The following DLGAP2 variants were observed in gnomAD, a reference collection of about 807,000 sequenced individuals.
DLGAP2 encodes the protein disks large-associated protein 2.
A neutral mutation model predicts 100.3 loss-of-function variants in DLGAP2; 26 were observed. The ratio of observed to expected loss-of-function variants is 0.26; its 90% CI spans 0.19 to 0.36. The LOEUF (loss-of-function observed/expected upper bound fraction) is 0.36, where lower values mean the gene tolerates loss of function less well. Ranked by LOEUF, DLGAP2 falls within the 10% of genes least tolerant of loss-of-function variation. The pLI, the probability that DLGAP2 is intolerant of heterozygous loss-of-function variation, is 1.00. For synonymous variants in DLGAP2, 886 were observed against 630.1 expected (o/e 1.41, Z -6.08); for missense variants, 1,858 against 1,453.2 (o/e 1.28, Z -4.53).
rs146879997 is a variant in DLGAP2, at chr8:1,136,431, C to T, written c.74-122420C>T. Among the ~76,000 whole-genome samples the T allele has an allele frequency of 2.4e-3, 373 of 152,322 alleles. 1 individual carries two copies. Among genetic ancestry groups the T allele is most frequent in the African/African-American group, 8.1e-3 (336 of 41,576 alleles). ...GCTTCCCTGCAGCAGCAGATCTGGA[C>T]AGCTCTCTGGCTCCCCATACAGGCC... On this transcript the variant is annotated intron_variant, in intron 2 of 14. Transcript: ENST00000637795.
chr8:1,192,735 A>G (rs980876268), intron 2 of DLGAP2, among the ~76,000 whole-genome samples: 4 of 151,284 alleles, frequency 2.6e-5, no homozygotes, highest in African/African-American at 9.7e-5. Flanking sequence ...GGTTAGTTAC[A>G]TATGGAAACA....
chr8:789,113 G>A (rs1251346114), intron 1 of DLGAP2, among the ~76,000 whole-genome samples: 1 of 152,198 alleles, frequency 6.6e-6, no homozygotes, highest in Non-Finnish European at 1.5e-5. Flanking sequence ...GGTGTGATTT[G>A]CAAATATTTT....
At chr8:895,248 A>T (rs374596540) in intron 1 of DLGAP2, among the ~76,000 whole-genome samples, 1 of 152,150 alleles carries the variant, frequency 6.6e-6, no homozygotes, top group Non-Finnish European at 1.5e-5. Flanking sequence ...TCCACAATGT[A>T]TGCAGGACGG....
intron 2 of DLGAP2, among the ~76,000 whole-genome samples, chr8:973,726 G>A (rs909080658): frequency 5.9e-5 from 9 of 152,206 alleles, no homozygotes; most frequent in African/African-American, 1.7e-4. Context: ...CTACTTTATC[G>A]GATAGTGTTG....
intron 1 of DLGAP2, among the ~76,000 whole-genome samples, chr8:747,995 TG>T: frequency 5.6e-5 from 1 of 17,800 alleles, no homozygotes; most frequent in Non-Finnish European, 8.1e-5. Flanking sequence ...TGCGGTGGGA[TG>T]GGGGGCTCTG....
At chr8:1,332,150 T>G (rs1172734158) in intron 3 of DLGAP2, among the ~76,000 whole-genome samples, 10 of 151,114 alleles carry the variant, frequency 6.6e-5, no homozygotes, top group Admixed American at 2.0e-4. Flanking sequence ...GAAATGGGGG[T>G]GTGTGTGAGT....
At chr8:1,026,599 A>G (rs181067576) in intron 2 of DLGAP2, among the ~76,000 whole-genome samples, 3 of 152,220 alleles carry the variant, frequency 2.0e-5, no homozygotes, top group African/African-American at 7.2e-5. Context: ...ATTAATGTCC[A>G]CATCTGGAAA....
chr8:936,067 G>A (rs181179315), intron 2 of DLGAP2, among the ~76,000 whole-genome samples: 5 of 152,244 alleles, frequency 3.3e-5, no homozygotes, highest in East Asian at 1.9e-4. Flanking sequence ...ATTAGCTCGC[G>A]GAGCACGTTG....
intron 5 of DLGAP2, among the ~76,000 whole-genome samples, chr8:1,554,736 G>A (rs1801899004): frequency 6.6e-6 from 1 of 152,106 alleles, no homozygotes. Flanking sequence ...CCATGTTCCA[G>A]AACTTGGCAA....
intron 2 of DLGAP2, among the ~76,000 whole-genome samples, chr8:1,082,512 A>G (rs1803845703): frequency 6.6e-6 from 1 of 152,218 alleles, no homozygotes; most frequent in East Asian, 1.9e-4. Flanking sequence ...ATGCACAATT[A>G]AACTCAGAAG....
At chr8:1,496,481 C>A (rs945793866) in intron 3 of DLGAP2, among the ~76,000 whole-genome samples, 5 of 152,168 alleles carry the variant, frequency 3.3e-5, no homozygotes, top group African/African-American at 1.2e-4. Flanking sequence ...CATCCTGCTT[C>A]CTTCCCTTCT....
intron 3 of DLGAP2, among the ~76,000 whole-genome samples, chr8:1,500,767 A>G (rs1054826424): frequency 5.3e-5 from 8 of 152,262 alleles, no homozygotes; most frequent in Admixed American, 3.9e-4. Context: ...GTTAGCACAG[A>G]TCGAACAATG....
Position 1,548,882 on chromosome 8 carries a change from G to T in DLGAP2, c.429G>T (p.Ser143=). 1 of 1,595,518 alleles carries T rather than the reference G, an allele frequency of 6.3e-7. No homozygotes were observed. Among genetic ancestry groups the T allele is most frequent in the Non-Finnish European group, 8.5e-7 (1 of 1,177,338 alleles). Residue 143 remains serine, a synonymous_variant, in exon 5 of 15, where the codon TCG becomes TCT. Coordinates refer to ENST00000637795, the MANE Select transcript of DLGAP2 (RefSeq NM_001346810.2). The part of the protein sequence containing the change: ...HRCSPRSSVH[S]ECVMMPVVLG... The stretch of plus-strand genomic sequence containing the variant: ...GCTCGCCGCGCAGCTCGGTGCACTC[G>T]GAGTGCGTGATGATGCCGGTGGTGC...
intron 2 of DLGAP2, among the ~76,000 whole-genome samples, chr8:1,170,122 C>T (rs1797097353): frequency 1.3e-5 from 2 of 152,144 alleles, no homozygotes; most frequent in South Asian, 4.1e-4. Flanking sequence ...AAGGCCTTTT[C>T]TGCGTCTATT....
intron 2 of DLGAP2, among the ~76,000 whole-genome samples, chr8:1,091,074 C>T (rs1031528225): frequency 1.3e-5 from 2 of 152,146 alleles, no homozygotes; most frequent in Admixed American, 6.5e-5. Flanking sequence ...GCCCCGTCTG[C>T]GCACAGGGCT....
chr8:1,264,184 C>T (rs993873849), intron 3 of DLGAP2, among the ~76,000 whole-genome samples: 1 of 152,050 alleles, frequency 6.6e-6, no homozygotes, highest in African/African-American at 2.4e-5. Context: ...AAGGGGATCC[C>T]CTGAGCCCCA....
At chr8:1,695,843 A>T (rs1458092612) in intron 13 of DLGAP2, among the ~76,000 whole-genome samples, 1 of 152,220 alleles carries the variant, frequency 6.6e-6, no homozygotes, top group African/African-American at 2.4e-5. Context: ...CCTCCTTGCC[A>T]GGCACTTTAG....
Position 1,288,563 on chromosome 8 carries a change from TAGG to T in DLGAP2, c.106+29684_106+29686del, listed in dbSNP as rs1178397680. Among the ~76,000 whole-genome samples, 16 of 112,402 alleles carry T rather than the reference TAGG, an allele frequency of 1.4e-4. 1 individual carries two copies. Among genetic ancestry groups the T allele is most frequent in the Non-Finnish European group, 2.0e-4 (11 of 55,882 alleles). The allele number at this position is 112,402 out of a possible 152,430, so 73.7% of individuals were successfully genotyped here. ...GAGTGTGTGTGTGTGTGTGTGTGGT[TAGG>T]AGGGGAACTAGTTTCAGTTGAGTGT... On this transcript the variant is annotated intron_variant, in intron 3 of 14. Transcript: ENST00000637795.
At chr8:1,067,897 C>A (rs1003365971) in intron 2 of DLGAP2, among the ~76,000 whole-genome samples, 12 of 152,052 alleles carry the variant, frequency 7.9e-5, no homozygotes, top group Non-Finnish European at 1.2e-4. Flanking sequence ...ACACACCCCC[C>A]CATTACAGCA....
Sources: allele counts gnomAD v4.1 joint callset (sites outside exome capture counted in the v4.1 genomes callset), GRCh38; gene constraint gnomAD v4.1.1; transcripts MANE v1.5; gene names NCBI Gene and HGNC (gene_info 2026-07-23, HGNC 2026-07-21).